RORC: variants seen among roughly 807,000 people sequenced by gnomAD.
RORC encodes the protein nuclear receptor ROR-gamma.
A neutral mutation model predicts 64.5 loss-of-function variants in RORC; 13 were observed. The ratio of observed to expected loss-of-function variants is 0.20; its 90% CI spans 0.13 to 0.32. RORC has a LOEUF of 0.32. Among genes scored for constraint, RORC ranks in the 10% least tolerant of loss-of-function variants. The pLI is 1.00. For missense variants in RORC, 468 were observed against 669.5 expected (o/e 0.70, Z 3.32); for synonymous variants, 277 against 259.3 (o/e 1.07, Z -0.65).
chr1:151,813,694 C>T (rs1651633148), intron 6 of RORC, 74 bp from the exon 7 acceptor site: 1 of 1,544,732 alleles, frequency 6.5e-7, no homozygotes, highest in South Asian at 1.2e-5. Context: ...TGGAGCCCCA[C>T]CTAATAAACT....
chr1:151,813,697 A>G, intron 6 of RORC, 77 bp from the exon 7 acceptor site: 3 of 1,525,260 alleles, frequency 2.0e-6, no homozygotes, highest in Non-Finnish European at 2.7e-6. Flanking sequence ...AGCCCCACCT[A>G]ATAAACTGCA....
intron 4 of RORC, 135 bp from the exon 5 acceptor site, chr1:151,815,560 CT>C: frequency 1.7e-6 from 2 of 1,160,878 alleles, no homozygotes; most frequent in South Asian, 2.2e-5. Flanking sequence ...CTTCTCTAGC[CT>C]TTAGGGAACT....
Position 151,814,899 on chromosome 1 carries a change from C to A in RORC, c.811+14G>T. 6.2e-7 allele frequency: 1 copy of A among 1,607,644 alleles called. No homozygotes were observed. The highest frequency in any genetic ancestry group is 1.1e-5 in the South Asian group (1 of 90,358). On this transcript the variant is annotated intron_variant, in intron 5 of 10. Coordinates refer to ENST00000318247, the MANE Select transcript of RORC (RefSeq NM_005060.4). ...CTCATCTCTACCACCCTCTCCACCT[C>A]CCCAGCTGCTCACCTATCTCTGTCA...
intron 2 of RORC, among the ~76,000 whole-genome samples, chr1:151,821,211 T>C (rs965682855): frequency 3.3e-5 from 5 of 151,918 alleles, no homozygotes; most frequent in African/African-American, 7.2e-5. Flanking sequence ...CCCTGGGCCC[T>C]GTCCAGGTGC....
intron 2 of RORC, chr1:151,826,086 G>A (rs1483698989): frequency 1.4e-6 from 2 of 1,467,662 alleles, no homozygotes; most frequent in Non-Finnish European, 9.0e-7. Context: ...CTCCCCCAGT[G>A]CTTCTGGACT....
rs1553293049 is a variant in RORC at position 151,830,621 on chromosome 1, T to TACACACACACACACACACAC, written c.40+1084_40+1103dup. Among the ~76,000 whole-genome samples, 1,380 of 57,146 alleles carry TACACACACACACACACACAC rather than the reference T, an allele frequency of 0.024. 46 individuals carry two copies. Among genetic ancestry groups the TACACACACACACACACACAC allele is most frequent in the East Asian group, 0.075 (110 of 1,472 alleles). 37.5% of individuals were successfully genotyped at this position (57,146 alleles called of 152,430 possible). On this transcript the variant is annotated intron_variant, in intron 1 of 10. Transcript: ENST00000318247. The surrounding 1 kb of genome is among the most constrained non-coding windows in gnomAD (Gnocchi z 4.0). ...TGCTGTTCAGTCTTGACACCTGACA[T>TACACACACACACACACACAC]ACACACACACACACACACACACACA... is the stretch of plus-strand genomic sequence containing the variant.
At chr1:151,825,802 T>C in intron 2 of RORC, 1 of 1,126,268 alleles carries the variant, frequency 8.9e-7, no homozygotes, top group Non-Finnish European at 1.3e-6. Flanking sequence ...CCAACAGATC[T>C]TGACCTTGAC....
chr1:151,818,336 G>C lies in RORC; in HGVS notation c.71-1056C>G, dbSNP rs186221181. Among the ~76,000 whole-genome samples the C allele has an allele frequency of 2.0e-5, 3 of 152,288 alleles. No individual in the cohort carries two copies. The East Asian group carries it at 5.8e-4, about 29-fold the overall frequency. ...TATCTGGTTGCTCCTGCGTCCACAC[G>C]TGCATATTTGTATGTTAGTGTCTGC... On this transcript the variant is annotated intron_variant, in intron 2 of 10. Transcript: ENST00000318247.
intron 6 of RORC, 104 bp from the exon 7 acceptor site, chr1:151,813,724 C>T (rs1360973954): frequency 7.1e-6 from 9 of 1,274,592 alleles, no homozygotes; most frequent in Non-Finnish European, 9.7e-6. Flanking sequence ...AGGCTCTGAA[C>T]TCCTATGTTC....
chr1:151,829,468 C>G lies in RORC; in HGVS notation c.41-10G>C, dbSNP rs1652324048. On this transcript the variant is annotated splice_polypyrimidine_tract_variant and intron_variant, in intron 1 of 10. Transcript: ENST00000318247. The stretch of plus-strand genomic sequence containing the variant: ...TTTGCAGCCAGCAGCTCTGTAAAGA[C>G]AAGAGAGGGGGTTGACGTCAAAGGT... 1 of 1,526,568 alleles carries G rather than the reference C, an allele frequency of 6.6e-7. No individual in the cohort carries two copies. Among genetic ancestry groups the G allele is most frequent in the East Asian group, 2.6e-5 (1 of 37,786 alleles). The allele number at this position is 1,526,568 out of a possible 1,614,324, so 94.6% of individuals were successfully genotyped here.
chr1:151,829,362 C>CA, intron 2 of RORC, 67 bp downstream of exon 2: 1 of 1,437,830 alleles, frequency 7.0e-7, no homozygotes, highest in African/African-American at 1.5e-5. Context: ...CCCCACAGAT[C>CA]ACTTGCTGAA....
chr1:151,821,714 G>A (rs534204944), intron 2 of RORC, among the ~76,000 whole-genome samples: 51 of 152,300 alleles, frequency 3.3e-4, no homozygotes, highest in African/African-American at 1.2e-3. Context: ...TATACTTTAT[G>A]AGGATAAGAC....
rs1169978989 is a variant in RORC at position 151,813,630 on chromosome 1, G to A, written c.934-10C>T. The A allele has an allele frequency of 2.5e-6, 4 of 1,613,950 alleles. No individual in the cohort carries two copies. In the Admixed American group the frequency reaches 6.7e-5, roughly 27 times the overall value. On this transcript the variant is annotated splice_polypyrimidine_tract_variant and intron_variant, in intron 6 of 10. Transcript: ENST00000318247. ...ACATCTCCCACATGGACTGCAGGGA[G>A]GGAGGAGGGTCCCGCTGTAGCGCTC...
chr1:151,815,277 G>A lies in RORC; in HGVS notation c.447C>T (p.Tyr149=), dbSNP rs201670255. 2 of 1,610,268 alleles carry A rather than the reference G, an allele frequency of 1.2e-6. No homozygotes were observed. Among genetic ancestry groups the A allele is most frequent in the South Asian group, 1.1e-5 (1 of 90,818 alleles). Residue 149 remains tyrosine, a synonymous_variant, in exon 5 of 11, where the codon TAC becomes TAT. Transcript: ENST00000318247. ...AGAQGADTLT[Y]TLGLPDGQLP... is the part of the protein sequence containing the mutation. ...GCTGCCCGTCTGGGAGCCCCAAGGT[G>A]TAGGTGAGGGTATCTGCTCCTTGGG...
chr1:151,826,430 A>G (rs996007382), intron 2 of RORC, among the ~76,000 whole-genome samples: 2 of 152,194 alleles, frequency 1.3e-5, no homozygotes, highest in East Asian at 3.8e-4. Context: ...CTTCAGGGAC[A>G]GGGATGTTTT....
chr1:151,830,621 T>TACACACACACAC lies in RORC; in HGVS notation c.40+1092_40+1103dup, dbSNP rs1553293049. On this transcript the variant is annotated intron_variant, in intron 1 of 10. Coordinates refer to ENST00000318247, the MANE Select transcript of RORC (RefSeq NM_005060.4). The surrounding 1 kb of genome is among the most constrained non-coding windows in gnomAD (Gnocchi z 4.0). ...TGCTGTTCAGTCTTGACACCTGACA[T>TACACACACACAC]ACACACACACACACACACACACACA... Among the ~76,000 whole-genome samples the TACACACACACAC allele has an allele frequency of 0.038, 2,184 of 57,054 alleles. 79 individuals are homozygous for TACACACACACAC. Among genetic ancestry groups the TACACACACACAC allele is most frequent in the Admixed American group, 0.15 (936 of 6,230 alleles). 37.4% of individuals were successfully genotyped at this position (57,054 alleles called of 152,430 possible). A position where few individuals can be genotyped will look rare whatever the true frequency, so the allele number is the denominator to read the frequency against.
chr1:151,821,823 A>G (rs1652003892), intron 2 of RORC, among the ~76,000 whole-genome samples: 1 of 152,150 alleles, frequency 6.6e-6, no homozygotes, highest in African/African-American at 2.4e-5. Flanking sequence ...CAGAATTCAC[A>G]GAGGAAACCC....
chr1:151,817,048 CAGG>C lies in RORC; in HGVS notation c.156+144_156+146del, dbSNP rs1651784152. On this transcript the variant is annotated intron_variant, in intron 3 of 10. Coordinates refer to ENST00000318247, the MANE Select transcript of RORC (RefSeq NM_005060.4). ...CTACTCAGGCATTTTCCTGGCTGCC[CAGG>C]AGATCATCCCTGGAGTCAGAACAAA... 5 of 757,372 alleles carry C rather than the reference CAGG, an allele frequency of 6.6e-6. No individual in the cohort carries two copies. The South Asian group carries it at 7.4e-5, about 11-fold the overall frequency. The allele number at this position is 757,372 out of a possible 1,614,324, so 46.9% of individuals were successfully genotyped here.
intron 10 of RORC, among the ~76,000 whole-genome samples, chr1:151,809,724 C>T (rs1651446746): frequency 6.6e-6 from 1 of 152,202 alleles, no homozygotes; most frequent in Non-Finnish European, 1.5e-5. Context: ...GATTAAAGTT[C>T]AAGTTCTTGA....
Sources: gnomAD v4.1 joint callset for allele counts (sites outside exome capture counted in the v4.1 genomes callset) on GRCh38, gnomAD v4.1.1 for gene constraint, Gnocchi (gnomAD v3.1) non-coding constraint, MANE v1.5 for transcripts, NCBI Gene and HGNC (gene_info 2026-07-23, HGNC 2026-07-21) for gene names.